PTPRT: variants seen among roughly 807,000 people sequenced by gnomAD.
PTPRT encodes protein tyrosine phosphatase receptor type T, also known as receptor-type tyrosine-protein phosphatase T.
Under a neutral mutation model 176.8 loss-of-function variants are expected in PTPRT, and 56 were observed. The observed-to-expected ratio is 0.32, with a 90% confidence interval of 0.26 to 0.40. The LOEUF is 0.40. Among genes scored for constraint, PTPRT ranks in the 10% least tolerant of loss-of-function variants. The pLI is 1.00. For missense variants in PTPRT, 1,540 were observed against 1,908.2 expected (o/e 0.81, Z 3.60); for synonymous variants, 783 against 739.0 (o/e 1.06, Z -0.96).
intron 9 of PTPRT, among the ~76,000 whole-genome samples, chr20:42,440,719 C>T (rs1195755077): frequency 3.9e-5 from 6 of 152,112 alleles, no homozygotes; most frequent in South Asian, 2.1e-4. Context: ...CCTCATGATC[C>T]GCCCGCCTTG....
In PTPRT at chr20:43,183,156, T is replaced by C. The variant is rs557029714; in HGVS notation, c.88+6490A>G. Among the ~76,000 whole-genome samples the C allele has an allele frequency of 2.6e-5, 4 of 152,312 alleles. No individual in the cohort carries two copies. The South Asian group carries it at 8.3e-4, about 32-fold the overall frequency. On this transcript the variant is annotated intron_variant, in intron 1 of 30. Coordinates refer to ENST00000373187, the MANE Select transcript of PTPRT (RefSeq NM_007050.6). ...CTTAAACTTTTGCATTTTTGCCAAA[T>C]TGATGAGGGGAAAAAATGCTACTTC...
chr20:42,723,356 T>C (rs772823144), intron 6 of PTPRT, among the ~76,000 whole-genome samples: 17 of 151,808 alleles, frequency 1.1e-4, no homozygotes, highest in Non-Finnish European at 2.1e-4. Flanking sequence ...AGCTGGCAGG[T>C]CAACCAGGGG....
chr20:42,232,415 G>A (rs868021567), intron 15 of PTPRT, among the ~76,000 whole-genome samples: 1 of 152,134 alleles, frequency 6.6e-6, no homozygotes, highest in Non-Finnish European at 1.5e-5. Context: ...TCTGATTCAG[G>A]GGTCTGGGCT....
At chr20:43,088,315 G>A (rs575948207) in intron 1 of PTPRT, among the ~76,000 whole-genome samples, 137 of 147,740 alleles carry the variant, frequency 9.3e-4, no homozygotes, top group African/African-American at 3.3e-3. Flanking sequence ...TATTGTGTTA[G>A]GTTTTGTTTT....
chr20:42,901,783 G>A (rs1394776906), intron 1 of PTPRT, among the ~76,000 whole-genome samples: 1 of 152,174 alleles, frequency 6.6e-6, no homozygotes, highest in Non-Finnish European at 1.5e-5. Flanking sequence ...AGAAACCAAT[G>A]TCTTTCTCCA....
intron 7 of PTPRT, among the ~76,000 whole-genome samples, chr20:42,668,583 C>T (rs1477324078): frequency 1.3e-5 from 2 of 152,030 alleles, no homozygotes; most frequent in Non-Finnish European, 2.9e-5. Flanking sequence ...GAGAGGGACT[C>T]CAATGGTGCC....
intron 1 of PTPRT, among the ~76,000 whole-genome samples, chr20:43,026,024 G>A: frequency 6.6e-6 from 1 of 152,252 alleles, no homozygotes; most frequent in African/African-American, 2.4e-5. Flanking sequence ...TAACTGTTCT[G>A]GGATGAATTG....
At chr20:42,346,026 G>C (rs570072099) in intron 11 of PTPRT, among the ~76,000 whole-genome samples, 2 of 152,240 alleles carry the variant, frequency 1.3e-5, no homozygotes, top group Admixed American at 6.5e-5. Context: ...CAGTTCAGTG[G>C]GGGGTGGATT....
intron 16 of PTPRT, among the ~76,000 whole-genome samples, chr20:42,187,500 C>G (rs1990828707): frequency 6.6e-6 from 1 of 152,188 alleles, no homozygotes; most frequent in African/African-American, 2.4e-5. Flanking sequence ...TTTGCCCATC[C>G]TTGGCCCTTT....
chr20:42,197,397 A>AAG, intron 16 of PTPRT, among the ~76,000 whole-genome samples: 1 of 149,984 alleles, frequency 6.7e-6, no homozygotes, highest in Non-Finnish European at 1.5e-5. Flanking sequence ...AAAAAAAAAA[A>AAG]AAAAGTCAGT....
chr20:42,703,672 C>A (rs1216092796), intron 6 of PTPRT, among the ~76,000 whole-genome samples: 2 of 152,156 alleles, frequency 1.3e-5, no homozygotes, highest in African/African-American at 4.8e-5. Context: ...ATTTACTACA[C>A]AGAAAAGCTT....
intron 12 of PTPRT, among the ~76,000 whole-genome samples, chr20:42,300,257 C>CAAAAAAAAAAAAAAAA (rs761176814): frequency 2.0e-5 from 1 of 49,618 alleles, no homozygotes; most frequent in Non-Finnish European, 3.8e-5. Flanking sequence ...AACTCCGTCT[C>CAAAAAAAAAAAAAAAA]AAAAAAAAAA....
intron 19 of PTPRT, among the ~76,000 whole-genome samples, chr20:42,125,230 G>A (rs1987794616): frequency 6.6e-6 from 1 of 152,174 alleles, no homozygotes; most frequent in Non-Finnish European, 1.5e-5. Flanking sequence ...CCACTTTGGG[G>A]AAGCCTATGT....
At chr20:42,046,473 G>T in the PTPRT span, among the ~76,000 whole-genome samples, 1 of 152,366 alleles carries the variant, frequency 6.6e-6, no homozygotes, top group South Asian at 2.1e-4. Context: ...GCCTCTTGCA[G>T]CAGAAAACAT....
intron 15 of PTPRT, among the ~76,000 whole-genome samples, chr20:42,206,250 T>G (rs2055456415): frequency 6.6e-6 from 1 of 152,088 alleles, no homozygotes; most frequent in Non-Finnish European, 1.5e-5. Flanking sequence ...CTACATCACA[T>G]AAGAATCAAT....
At chr20:42,652,228 T>C (rs908913817) in intron 7 of PTPRT, among the ~76,000 whole-genome samples, 2 of 152,124 alleles carry the variant, frequency 1.3e-5, no homozygotes. Flanking sequence ...GAAATCAGGA[T>C]ACTTGGAGAG....
At position 43,159,903 on chromosome 20, in the gene PTPRT, G is replaced by A. The variant is rs547436901; in HGVS notation, c.88+29743C>T. Reference sequence around the variant, plus strand: ...AAGATGGAGTCATTCCTAATCTGATGACATCCAGCACTGCCATGTGGTGTA... The same window carrying A: ...AAGATGGAGTCATTCCTAATCTGATAACATCCAGCACTGCCATGTGGTGTA... On this transcript the variant is annotated intron_variant, in intron 1 of 30. Coordinates refer to ENST00000373187, the MANE Select transcript of PTPRT (RefSeq NM_007050.6). Among the ~76,000 whole-genome samples the A allele has an allele frequency of 5.3e-5, 8 of 151,460 alleles. No homozygotes were observed. The South Asian group carries it at 1.7e-3, about 32-fold the overall frequency.
chr20:42,827,943 A>C (rs184176424), intron 2 of PTPRT, among the ~76,000 whole-genome samples: 4 of 152,344 alleles, frequency 2.6e-5, no homozygotes, highest in Admixed American at 2.6e-4. Context: ...TGTCCTTATC[A>C]GCAGTGTGAG....
chr20:42,621,319 C>T (rs1444999114), intron 7 of PTPRT, among the ~76,000 whole-genome samples: 1 of 152,212 alleles, frequency 6.6e-6, no homozygotes, highest in African/African-American at 2.4e-5. Flanking sequence ...AGCATTTAAA[C>T]ATGTCCAAAT....
Sources: gnomAD v4.1 joint callset for allele counts (sites outside exome capture counted in the v4.1 genomes callset) on GRCh38, gnomAD v4.1.1 for gene constraint, MANE v1.5 for transcripts, NCBI Gene and HGNC (gene_info 2026-07-23, HGNC 2026-07-21) for gene names.